Variants in ARK2C observed in about 807,000 individuals in gnomAD.
The protein encoded by ARK2C is arkadia (RNF111) C-terminal like ring finger ubiquitin ligase 2C.
At chr18:46,393,437 G>A in the ARK2C span, among the ~76,000 whole-genome samples, 2 of 152,166 alleles carry the variant, frequency 1.3e-5, no homozygotes, top group Admixed American at 6.5e-5. Context: ...AGAAGGGTGC[G>A]CTGTTTCCTC....
chr18:46,389,327 A>G, the ARK2C span, among the ~76,000 whole-genome samples: 1 of 152,246 alleles, frequency 6.6e-6, no homozygotes, highest in Admixed American at 6.5e-5. Flanking sequence ...ATCTTTCCCA[A>G]CAATGCTGAT....
the ARK2C span, among the ~76,000 whole-genome samples, chr18:46,430,784 G>C: frequency 6.6e-6 from 1 of 152,072 alleles, no homozygotes; most frequent in Non-Finnish European, 1.5e-5. Context: ...CCTTCTTCAA[G>C]AGCTTCCTGT....
the ARK2C span, among the ~76,000 whole-genome samples, chr18:46,381,644 A>G: frequency 6.6e-6 from 1 of 152,162 alleles, no homozygotes; most frequent in East Asian, 1.9e-4. Context: ...CAGCCTGGCA[A>G]CATAGTGAGA....
chr18:46,335,871 T>C, the ARK2C span: 1 of 984,368 alleles, frequency 1.0e-6, no homozygotes, highest in East Asian at 1.1e-4. Flanking sequence ...AAATCTTTTT[T>C]TTTCTTCATT....
the ARK2C span, chr18:46,456,465 G>T: frequency 7.6e-7 from 1 of 1,310,688 alleles, no homozygotes; most frequent in South Asian, 1.2e-5. Flanking sequence ...TCCCTGCTCC[G>T]CTCAGTGTCC....
At chr18:46,455,554 T>A in the ARK2C span, among the ~76,000 whole-genome samples, 3 of 152,136 alleles carry the variant, frequency 2.0e-5, no homozygotes, top group African/African-American at 7.2e-5. Context: ...AAGAACTTTA[T>A]GGCCGGGCAA....
the ARK2C span, among the ~76,000 whole-genome samples, chr18:46,348,900 C>CTGTGTGTGTG: frequency 2.1e-5 from 3 of 144,598 alleles, no homozygotes; most frequent in Admixed American, 1.4e-4. Flanking sequence ...CTCTCTCTTT[C>CTGTGTGTGTG]TGTGTGTGTG....
the ARK2C span, among the ~76,000 whole-genome samples, chr18:46,404,271 G>A: frequency 8.6e-4 from 131 of 152,322 alleles, no homozygotes; most frequent in Middle Eastern, 3.4e-3. Context: ...GATGTAGGTG[G>A]TATGAGTATG....
the ARK2C span, among the ~76,000 whole-genome samples, chr18:46,433,748 C>T: frequency 6.6e-6 from 1 of 152,234 alleles, no homozygotes; most frequent in Non-Finnish European, 1.5e-5. Context: ...CTGTCCTGAT[C>T]TGACAGGGGC....
chr18:46,375,131 AC>A, the ARK2C span, among the ~76,000 whole-genome samples: 1 of 151,608 alleles, frequency 6.6e-6, no homozygotes, highest in South Asian at 2.1e-4. Context: ...CTCTTCTGGC[AC>A]CCTCCCAACT....
chr18:46,356,680 G>A, the ARK2C span, among the ~76,000 whole-genome samples: 2 of 152,158 alleles, frequency 1.3e-5, no homozygotes, highest in Non-Finnish European at 2.9e-5. Context: ...GGCAGCTGAA[G>A]GTTGAGAGGG....
At chr18:46,404,241 A>G in the ARK2C span, among the ~76,000 whole-genome samples, 1 of 152,144 alleles carries the variant, frequency 6.6e-6, no homozygotes, top group African/African-American at 2.4e-5. Context: ...GTGCTACGTT[A>G]CAGCATAGCA....
At chr18:46,445,564 C>T in the ARK2C span, among the ~76,000 whole-genome samples, 1 of 152,204 alleles carries the variant, frequency 6.6e-6, no homozygotes, top group Non-Finnish European at 1.5e-5. Context: ...TGCCTCTTCT[C>T]TCCAAATCAT....
the ARK2C span, among the ~76,000 whole-genome samples, chr18:46,356,472 A>G: frequency 1.3e-5 from 2 of 152,080 alleles, no homozygotes; most frequent in African/African-American, 4.8e-5. Flanking sequence ...TGTGATATTT[A>G]CCAGAGCCCT....
chr18:46,452,615 C>G, the ARK2C span, among the ~76,000 whole-genome samples: 2 of 152,022 alleles, frequency 1.3e-5, no homozygotes, highest in East Asian at 1.9e-4. Context: ...TAGAACTGCT[C>G]TACAAAATAA....
At chr18:46,390,651 C>T in the ARK2C span, among the ~76,000 whole-genome samples, 1 of 152,120 alleles carries the variant, frequency 6.6e-6, no homozygotes, top group African/African-American at 2.4e-5. Flanking sequence ...ACAGTTAGTC[C>T]ATCAGCCCCC....
the ARK2C span, among the ~76,000 whole-genome samples, chr18:46,350,223 C>T: frequency 6.6e-6 from 1 of 152,192 alleles, no homozygotes; most frequent in Non-Finnish European, 1.5e-5. Context: ...AATATTTCAA[C>T]AGGAGATGCA....
At chr18:46,432,981 A>T in the ARK2C span, among the ~76,000 whole-genome samples, 2 of 152,072 alleles carry the variant, frequency 1.3e-5, no homozygotes, top group Admixed American at 6.5e-5. Context: ...AAATAAAGAT[A>T]ACACTTCCCC....
chr18:46,414,629 A>T, the ARK2C span, among the ~76,000 whole-genome samples: 2 of 152,210 alleles, frequency 1.3e-5, no homozygotes, highest in East Asian at 1.9e-4. Context: ...ATGCTTATAC[A>T]TTCATGATCA....
Sources: gnomAD v4.1 joint callset for allele counts (sites outside exome capture counted in the v4.1 genomes callset) on GRCh38, gnomAD v4.1.1 for gene constraint, MANE v1.5 for transcripts, NCBI Gene and HGNC (gene_info 2026-07-23, HGNC 2026-07-21) for gene names.